The following KANK1 variants were observed in gnomAD, a reference collection of about 807,000 sequenced individuals.
The protein encoded by KANK1 is KN motif and ankyrin repeat domain-containing protein 1.
In KANK1, 109 loss-of-function variants were observed where a neutral mutation model predicts 106.2. That is an observed-to-expected ratio of 1.03 (90% CI 0.88 to 1.20). KANK1 has a LOEUF of 1.20. Ranked by LOEUF, KANK1 falls within the 50% of genes most tolerant of loss-of-function variation. The pLI, the probability that KANK1 is intolerant of heterozygous loss-of-function variation, is 0.00. For synonymous variants in KANK1, 873 were observed against 652.2 expected (o/e 1.34, Z -5.16); for missense variants, 2,399 against 1,710.7 (o/e 1.40, Z -7.10).
chr9:555,098 A>G (rs2061501278), intron 1 of KANK1, among the ~76,000 whole-genome samples: 2 of 152,234 alleles, frequency 1.3e-5, no homozygotes, highest in South Asian at 4.1e-4. Context: ...TAGCGACCAC[A>G]CTTTGAGAAC....
intron 1 of KANK1, among the ~76,000 whole-genome samples, chr9:622,125 A>AGG (rs1463586464): frequency 2.6e-5 from 4 of 152,164 alleles, no homozygotes; most frequent in Non-Finnish European, 5.9e-5. Flanking sequence ...TGGAAGGAAA[A>AGG]GGGGGACAAG....
intron 1 of KANK1, among the ~76,000 whole-genome samples, chr9:564,900 A>G (rs1471744144): frequency 2.6e-5 from 4 of 152,262 alleles, no homozygotes; most frequent in Non-Finnish European, 5.9e-5. Flanking sequence ...TGGTCCACAC[A>G]GGTGACTGCA....
chr9:492,874 A>G (rs529522345), intron 3 of KANK1, among the ~76,000 whole-genome samples: 13 of 151,988 alleles, frequency 8.6e-5, no homozygotes, highest in Non-Finnish European at 1.3e-4. Flanking sequence ...AAAATACAAA[A>G]TTAGCCGGGC....
intron 1 of KANK1, among the ~76,000 whole-genome samples, chr9:670,483 G>A (rs1845622030): frequency 6.6e-6 from 1 of 152,122 alleles, no homozygotes; most frequent in South Asian, 2.1e-4. Flanking sequence ...TGTTCTTCTA[G>A]CAAAGGATCA....
At chr9:570,690 A>G (rs1818940526) in intron 1 of KANK1, among the ~76,000 whole-genome samples, 1 of 152,230 alleles carries the variant, frequency 6.6e-6, no homozygotes, top group Non-Finnish European at 1.5e-5. Flanking sequence ...CATCTATACC[A>G]AGCCTTTGAA....
At chr9:704,511 A>G (rs927031015) in intron 2 of KANK1, among the ~76,000 whole-genome samples, 16 of 152,222 alleles carry the variant, frequency 1.1e-4, no homozygotes, top group Non-Finnish European at 2.1e-4. Flanking sequence ...ACTTCTGCTT[A>G]CAGACTTTTA....
chr9:508,155 T>TTTTTA (rs2058857832), intron 1 of KANK1, among the ~76,000 whole-genome samples: 1 of 110,896 alleles, frequency 9.0e-6, no homozygotes, highest in Non-Finnish European at 1.7e-5. Context: ...TTTTTTTTTT[T>TTTTTA]GAGATGGAGT....
chr9:505,001 G>A (rs2058678930), intron 1 of KANK1, among the ~76,000 whole-genome samples: 1 of 151,448 alleles, frequency 6.6e-6, no homozygotes. Context: ...CGCGGCCGTC[G>A]GAGTTTGGCG....
intron 1 of KANK1, among the ~76,000 whole-genome samples, chr9:628,667 T>C (rs1438252767): frequency 6.6e-6 from 1 of 152,150 alleles, no homozygotes; most frequent in Non-Finnish European, 1.5e-5. Flanking sequence ...ATTCCTCCCC[T>C]CTCTGCCCAG....
intron 3 of KANK1, among the ~76,000 whole-genome samples, chr9:722,703 C>G (rs947725361): frequency 6.6e-6 from 1 of 152,180 alleles, no homozygotes; most frequent in Non-Finnish European, 1.5e-5. Flanking sequence ...TCTGACTTGA[C>G]AAAGGAGAGC....
At chr9:484,345 T>G (rs1355717041) in intron 3 of KANK1, 2 of 152,156 alleles carry the variant, frequency 1.3e-5, no homozygotes, top group Non-Finnish European at 2.9e-5. Context: ...ACGGAAAAAA[T>G]TATCCACTTC....
chr9:645,901 A>G lies in KANK1; in HGVS notation c.-83-30989A>G, dbSNP rs553931472. On this transcript the variant is annotated intron_variant, in intron 1 of 11. Coordinates refer to ENST00000382297, the MANE Select transcript of KANK1 (RefSeq NM_015158.5). ...TTGGTCTATACAACAAAAACAAAGC[A>G]TTAGGAAATTATCTCATGATTTAGC... is the stretch of plus-strand genomic sequence containing the variant. 5.3e-5 allele frequency among the ~76,000 whole-genome samples: 8 copies of G among 151,084 alleles called. 2 individuals carry two copies. Among genetic ancestry groups the G allele is most frequent in the African/African-American group, 2.0e-4 (8 of 40,390 alleles).
chr9:666,409 A>G (rs1335920095), intron 1 of KANK1, among the ~76,000 whole-genome samples: 3 of 151,824 alleles, frequency 2.0e-5, no homozygotes, highest in Non-Finnish European at 4.4e-5. Flanking sequence ...AGCGAATTTG[A>G]CTTCTTTCTT....
At chr9:485,470 C>T (rs2132226721) in intron 3 of KANK1, among the ~76,000 whole-genome samples, 1 of 152,236 alleles carries the variant, frequency 6.6e-6, no homozygotes, top group Middle Eastern at 3.4e-3. Context: ...GAAACTTTAG[C>T]AGAGTTATTG....
intron 1 of KANK1, among the ~76,000 whole-genome samples, chr9:563,544 G>A (rs544702510): frequency 8.7e-4 from 132 of 152,304 alleles, no homozygotes; most frequent in African/African-American, 3.1e-3. Flanking sequence ...TTGCATTGTT[G>A]AAACAATCCT....
At chr9:710,642 A>C (rs1231236539) in intron 2 of KANK1, among the ~76,000 whole-genome samples, 162 bp from the exon 3 acceptor site, 1 of 146,364 alleles carries the variant, frequency 6.8e-6, no homozygotes. Context: ...AAAAAAAACA[A>C]AAAAAACTTG....
At chr9:516,094 TCAG>T (rs2059266794) in intron 1 of KANK1, among the ~76,000 whole-genome samples, 1 of 151,650 alleles carries the variant, frequency 6.6e-6, no homozygotes, top group South Asian at 2.1e-4. Flanking sequence ...GTATTGCTGA[TCAG>T]GGGACAGACA....
At chr9:679,566 C>T (rs1338236622) in intron 2 of KANK1, among the ~76,000 whole-genome samples, 1 of 152,152 alleles carries the variant, frequency 6.6e-6, no homozygotes, top group Admixed American at 6.5e-5. Flanking sequence ...AGGCCCATGC[C>T]ATCACGCCTG....
chr9:743,980 T>G (rs777569160), intron 10 of KANK1, among the ~76,000 whole-genome samples: 5 of 152,226 alleles, frequency 3.3e-5, no homozygotes, highest in Non-Finnish European at 5.9e-5. Flanking sequence ...CACCCATATG[T>G]AGTGTTTCCC....
Sources: gnomAD v4.1 joint callset for allele counts (sites outside exome capture counted in the v4.1 genomes callset) on GRCh38, gnomAD v4.1.1 for gene constraint, MANE v1.5 for transcripts, NCBI Gene and HGNC (gene_info 2026-07-23, HGNC 2026-07-21) for gene names.